Variants in GABRA1 observed in about 807,000 individuals in gnomAD.
The protein encoded by GABRA1 is gamma-aminobutyric acid receptor subunit alpha-1.
A neutral mutation model predicts 48.9 loss-of-function variants in GABRA1; 9 were observed. The observed-to-expected ratio is 0.18, with a 90% CI of 0.11 to 0.32. The LOEUF (loss-of-function observed/expected upper bound fraction) is 0.32, where lower values mean the gene tolerates loss of function less well. Among genes scored for constraint, GABRA1 ranks in the 10% least tolerant of loss-of-function variants. GABRA1 has a pLI of 1.00. For synonymous variants in GABRA1, 210 were observed against 198.7 expected (o/e 1.06, Z -0.48); for missense variants, 285 against 553.8 (o/e 0.51, Z 4.87).
chr5:161,860,776 C>T (rs1238827132), intron 3 of GABRA1, among the ~76,000 whole-genome samples: 4 of 151,646 alleles, frequency 2.6e-5, no homozygotes, highest in African/African-American at 9.7e-5. Context: ...ATTAGGTATC[C>T]ACAAAAAATT....
chr5:161,892,548 T>A (rs1300698581), intron 8 of GABRA1, among the ~76,000 whole-genome samples: 1 of 152,210 alleles, frequency 6.6e-6, no homozygotes, highest in Non-Finnish European at 1.5e-5. Context: ...GAGCAGTTCA[T>A]TGCATACTCA....
At chr5:161,872,768 C>A (rs962397143) in intron 4 of GABRA1, among the ~76,000 whole-genome samples, 26 of 152,104 alleles carry the variant, frequency 1.7e-4, no homozygotes, top group Non-Finnish European at 3.5e-4. Flanking sequence ...TACCCTCTAA[C>A]ATGAGTTTGT....
At chr5:161,867,780 T>A (rs1753937275) in intron 4 of GABRA1, among the ~76,000 whole-genome samples, 1 of 152,166 alleles carries the variant, frequency 6.6e-6, no homozygotes, top group South Asian at 2.1e-4. Context: ...TCATTTTTAT[T>A]AGTCCAATAA....
intron 3 of GABRA1, among the ~76,000 whole-genome samples, chr5:161,855,558 T>G (rs1332183400): frequency 2.6e-5 from 4 of 151,504 alleles, no homozygotes; most frequent in African/African-American, 9.7e-5. Context: ...TAAGTCAAAA[T>G]AGAGTGGTCA....
At chr5:161,851,452 A>C (rs1374105890) in intron 2 of GABRA1, among the ~76,000 whole-genome samples, 1 of 152,192 alleles carries the variant, frequency 6.6e-6, no homozygotes, top group East Asian at 1.9e-4. Context: ...CCTATTAAAA[A>C]AACAATTACT....
intron 7 of GABRA1, among the ~76,000 whole-genome samples, chr5:161,888,682 G>A (rs1476425008): frequency 6.6e-6 from 1 of 151,890 alleles, no homozygotes; most frequent in Non-Finnish European, 1.5e-5. Context: ...AGTGTAGCAT[G>A]GGTATGTCCA....
intron 4 of GABRA1, among the ~76,000 whole-genome samples, chr5:161,866,684 A>G (rs1263394824): frequency 1.3e-5 from 2 of 152,014 alleles, no homozygotes; most frequent in Non-Finnish European, 2.9e-5. Flanking sequence ...ACAAAACTAT[A>G]TTTTATCTGG....
intron 7 of GABRA1, among the ~76,000 whole-genome samples, chr5:161,886,354 T>A (rs1056346060): frequency 2.0e-5 from 3 of 152,042 alleles, no homozygotes; most frequent in African/African-American, 7.2e-5. Context: ...TATGGTTTTT[T>A]TTTTTTGTAT....
intron 2 of GABRA1, among the ~76,000 whole-genome samples, chr5:161,853,220 T>A (rs948463418): frequency 2.1e-4 from 32 of 152,048 alleles, no homozygotes; most frequent in Admixed American, 5.9e-4. Flanking sequence ...ATGTGATTGA[T>A]GTAGGAAATA....
At chr5:161,860,040 C>T (rs1375895115) in intron 3 of GABRA1, among the ~76,000 whole-genome samples, 1 of 151,824 alleles carries the variant, frequency 6.6e-6, no homozygotes, top group African/African-American at 2.4e-5. Context: ...TACATTTCCA[C>T]AGAAATACTG....
chr5:161,879,946 A>G (rs1754541037), intron 6 of GABRA1, among the ~76,000 whole-genome samples: 1 of 152,230 alleles, frequency 6.6e-6, no homozygotes, highest in Non-Finnish European at 1.5e-5. Flanking sequence ...ACAGCAGTGC[A>G]ATATAAAAGC....
chr5:161,870,112 AG>A (rs1754040564), intron 4 of GABRA1, among the ~76,000 whole-genome samples: 1 of 152,178 alleles, frequency 6.6e-6, no homozygotes, highest in Non-Finnish European at 1.5e-5. Flanking sequence ...TCACGATTGC[AG>A]GGTGAATTAT....
chr5:161,890,560 G>A (rs1755044209), intron 7 of GABRA1, among the ~76,000 whole-genome samples: 1 of 151,948 alleles, frequency 6.6e-6, no homozygotes, highest in Non-Finnish European at 1.5e-5. Context: ...TATGTCACAG[G>A]GTTTAGCATA....
At chr5:161,864,625 G>T (rs1312850612) in intron 3 of GABRA1, among the ~76,000 whole-genome samples, 1 of 151,668 alleles carries the variant, frequency 6.6e-6, no homozygotes, top group Non-Finnish European at 1.5e-5. Flanking sequence ...ATAAATATTT[G>T]TACATGGCTA....
In GABRA1 at chr5:161,891,834, C is replaced by T. The variant is rs185105208; in HGVS notation, c.856+784C>T. 1.4e-3 allele frequency among the ~76,000 whole-genome samples: 217 copies of T among 152,222 alleles called. 1 individual carries two copies. Among genetic ancestry groups the T allele is most frequent in the African/African-American group, 5.0e-3 (206 of 41,548 alleles). ...TGAACTGAACACAAATCACCACTCT[C>T]GTTATGAAAATTGCATTCTGAAGCT... On this transcript the variant is annotated intron_variant, in intron 8 of 9. Transcript: ENST00000393943.
intron 3 of GABRA1, among the ~76,000 whole-genome samples, chr5:161,858,315 G>A (rs183283622): frequency 9.2e-5 from 14 of 151,748 alleles, no homozygotes; most frequent in East Asian, 3.9e-4. Context: ...ACCCATCTGC[G>A]TGAAATTTCA....
At chr5:161,855,778 G>A (rs1467715240) in intron 3 of GABRA1, among the ~76,000 whole-genome samples, 1 of 151,268 alleles carries the variant, frequency 6.6e-6, no homozygotes, top group Non-Finnish European at 1.5e-5. Flanking sequence ...TGGTTGTAAT[G>A]TATCTGATTA....
rs117936669 is a variant in GABRA1, at chr5:161,880,636, C to T, written c.560-1922C>T. On this transcript the variant is annotated intron_variant, in intron 6 of 9. Transcript: ENST00000393943. ...TATGGAAAATTTTGTTTTTAAAAAC[C>T]ATCTGATTATAAATTGATGCAGAAG... Among the ~76,000 whole-genome samples the T allele has an allele frequency of 2.7e-3, 404 of 152,158 alleles. 10 individuals carry two copies. The East Asian group carries it at 0.063, about 24-fold the overall frequency.
chr5:161,867,301 A>G (rs1753911061), intron 4 of GABRA1, among the ~76,000 whole-genome samples: 2 of 152,120 alleles, frequency 1.3e-5, no homozygotes, highest in Admixed American at 1.3e-4. Flanking sequence ...GGTCCCAGTC[A>G]TGTTTAAGGT....
Sources: gnomAD v4.1 joint callset for allele counts (sites outside exome capture counted in the v4.1 genomes callset) on GRCh38, gnomAD v4.1.1 for gene constraint, MANE v1.5 for transcripts, NCBI Gene and HGNC (gene_info 2026-07-23, HGNC 2026-07-21) for gene names.